Variants in CTTNBP2 observed in about 807,000 individuals in gnomAD.
CTTNBP2 encodes the protein cortactin-binding protein 2.
A neutral mutation model predicts 156.9 loss-of-function variants in CTTNBP2; 108 were observed. The observed-to-expected ratio is 0.69, with a 90% confidence interval of 0.59 to 0.81. The LOEUF (loss-of-function observed/expected upper bound fraction) is 0.81, where lower values mean the gene tolerates loss of function less well. Among genes scored for constraint, CTTNBP2 ranks in the 30% least tolerant of loss-of-function variants. CTTNBP2 has a pLI of 0.00. For synonymous variants in CTTNBP2, 767 were observed against 751.8 expected (o/e 1.02, Z -0.33); for missense variants, 1,924 against 2,035.4 (o/e 0.95, Z 1.05).
chr7:117,714,103 C>T lies in CTTNBP2; in HGVS notation c.4747-2321G>A, dbSNP rs186846973. On this transcript the variant is annotated intron_variant, in intron 22 of 22. Coordinates refer to ENST00000160373, the MANE Select transcript of CTTNBP2 (RefSeq NM_033427.3). Reference sequence around the variant, plus strand: ...ACACATCCTAGTCCATCCTCGTCACCTCCATGTGTACTTGATGGTATGTTA... The same window carrying T: ...ACACATCCTAGTCCATCCTCGTCACTTCCATGTGTACTTGATGGTATGTTA... 2.6e-5 allele frequency: 4 copies of T among 152,328 alleles called. No homozygotes were observed. In the East Asian group the frequency reaches 7.7e-4, roughly 29 times the overall value. The allele number at this position is 152,328 out of a possible 1,614,324, so 9.4% of individuals were successfully genotyped here. A position where few individuals can be genotyped will look rare whatever the true frequency, so the allele number is the denominator to read the frequency against.
chr7:117,784,070 C>A (rs540632933), intron 5 of CTTNBP2, among the ~76,000 whole-genome samples, 181 bp downstream of exon 5: 4 of 152,188 alleles, frequency 2.6e-5, no homozygotes, highest in African/African-American at 9.6e-5. Context: ...ATGAACTGTA[C>A]AATTTGGATT....
chr7:117,785,917 C>T (rs533317396), intron 4 of CTTNBP2, among the ~76,000 whole-genome samples: 9 of 152,168 alleles, frequency 5.9e-5, no homozygotes, highest in Admixed American at 3.3e-4. Context: ...CACCTGATTA[C>T]GATATGTGGT....
At chr7:117,746,688 T>A (rs758084363) in intron 12 of CTTNBP2, among the ~76,000 whole-genome samples, 5 of 152,182 alleles carry the variant, frequency 3.3e-5, no homozygotes, top group Non-Finnish European at 7.4e-5. Context: ...GTATATCAGA[T>A]AATGTCTTTG....
chr7:117,846,965 T>TG (rs903568032), intron 2 of CTTNBP2, among the ~76,000 whole-genome samples: 5 of 152,158 alleles, frequency 3.3e-5, no homozygotes, highest in Admixed American at 6.5e-5. Flanking sequence ...GAGTTACACT[T>TG]GGTTAGTTAC....
intron 7 of CTTNBP2, 28 bp downstream of exon 7, chr7:117,780,412 CA>C (rs775015895): frequency 2.3e-5 from 33 of 1,434,672 alleles, no homozygotes; most frequent in Admixed American, 7.9e-5. Context: ...ATTATATATA[CA>C]GGGGGAAAAA....
chr7:117,756,769 G>A, intron 11 of CTTNBP2, 135 bp from the exon 12 acceptor site: 1 of 680,096 alleles, frequency 1.5e-6, no homozygotes. Flanking sequence ...TGGCCAGGAG[G>A]CACCAATGTG....
chr7:117,721,111 T>C lies in CTTNBP2; in HGVS notation c.4467A>G (p.Ile1489Met). The C allele has an allele frequency of 1.9e-6, 3 of 1,601,138 alleles. No homozygotes were observed. Among genetic ancestry groups the C allele is most frequent in the Non-Finnish European group, 2.6e-6 (3 of 1,168,164 alleles). Residue 1489 changes from isoleucine to methionine, a missense_variant, in exon 20 of 23, where the codon ATA becomes ATG. Ile to Met is a conservative substitution (Grantham distance 10). Transcript: ENST00000160373. ...CATTCCTGTTACAATTCAGCTGTGA[T>C]ATAGTCTTATTTTTCATACCTGTTA... Reference protein sequence around the residue: ...LSTEGMKNKTISQLNCNRNAS... With the variant: ...LSTEGMKNKTMSQLNCNRNAS...
intron 2 of CTTNBP2, among the ~76,000 whole-genome samples, chr7:117,827,456 G>A (rs542378074): frequency 5.3e-5 from 8 of 152,146 alleles, no homozygotes; most frequent in South Asian, 2.1e-4. Context: ...GTGTTTAATC[G>A]TCTAGGACAT....
intron 10 of CTTNBP2, among the ~76,000 whole-genome samples, chr7:117,759,746 A>C (rs1025275161): frequency 8.5e-5 from 13 of 152,218 alleles, no homozygotes; most frequent in Middle Eastern, 3.2e-3. Context: ...GTAAAATGAC[A>C]CCACTGAAAG....
intron 11 of CTTNBP2, among the ~76,000 whole-genome samples, chr7:117,757,527 G>GT (rs1339036693): frequency 1.2e-5 from 1 of 81,446 alleles, no homozygotes; most frequent in African/African-American, 5.8e-5. Context: ...ATTAAGCACA[G>GT]TAAAAAAAAA....
In CTTNBP2 at chr7:117,735,269, C is replaced by G; in HGVS notation, c.3688G>C (p.Gly1230Arg). 2 of 1,612,390 alleles carry G rather than the reference C, an allele frequency of 1.2e-6. No homozygotes were observed. Among genetic ancestry groups the G allele is most frequent in the South Asian group, 1.1e-5 (1 of 90,328 alleles). ...AGCATGGTCCCTTTATTAGCGTTAC[C>G]TTTTTGGAAAGTGCAGGGGCTTTCA... is the stretch of plus-strand genomic sequence containing the variant. ...STESPCTFQK[G>R]NGLSECYYFH... is the part of the protein sequence containing the mutation. The change falls in exon 15 of 23, where the codon GGA becomes CGA. Residue 1230 changes from glycine (G) to arginine (R), a missense_variant and splice_region_variant. By Grantham distance (125) the Gly-to-Arg change is moderately radical (BLOSUM62 -2). Transcript: ENST00000160373.
chr7:117,782,898 G>A lies in CTTNBP2; in HGVS notation c.2336C>T (p.Thr779Ile), dbSNP rs1474837816. 1.9e-6 allele frequency: 3 copies of A among 1,613,942 alleles called. No homozygotes were observed. Among genetic ancestry groups the A allele is most frequent in the Non-Finnish European group, 1.7e-6 (2 of 1,179,918 alleles). ...CTGAGCAGCTGCAGCACACAAGGGT[G>A]TGAAGCCATTTTTATCAGCAGCATT... ...QVNAADKNGF[T>I]PLCAAAAQGH... Residue 779 changes from threonine to isoleucine, a missense_variant, in exon 6 of 23, where the codon ACA becomes ATA. Transcript: ENST00000160373.
chr7:117,813,210 C>G (rs1434219773), intron 2 of CTTNBP2, among the ~76,000 whole-genome samples: 1 of 152,110 alleles, frequency 6.6e-6, no homozygotes, highest in Non-Finnish European at 1.5e-5. Flanking sequence ...AGAGGAACAC[C>G]CCCTTTTGCA....
At chr7:117,818,889 CCA>C in intron 2 of CTTNBP2, among the ~76,000 whole-genome samples, 1 of 152,238 alleles carries the variant, frequency 6.6e-6, no homozygotes, top group South Asian at 2.1e-4. Flanking sequence ...CAAAGCTTTT[CCA>C]CAGATACAAC....
chr7:117,787,461 C>A (rs943921754), intron 4 of CTTNBP2, among the ~76,000 whole-genome samples: 11 of 151,954 alleles, frequency 7.2e-5, no homozygotes, highest in African/African-American at 2.7e-4. Flanking sequence ...GCCTTTAAGC[C>A]AATCATACAT....
intron 16 of CTTNBP2, among the ~76,000 whole-genome samples, chr7:117,729,524 A>G (rs1433289242): frequency 6.6e-6 from 1 of 152,190 alleles, no homozygotes; most frequent in African/African-American, 2.4e-5. Context: ...TGCTAAGAAG[A>G]AAAAAATCCA....
At chr7:117,817,333 CAAAAAAAAAAA>C (rs1165563266) in intron 2 of CTTNBP2, among the ~76,000 whole-genome samples, 31 of 27,200 alleles carry the variant, frequency 1.1e-3, no homozygotes, top group African/African-American at 2.2e-3. Flanking sequence ...GACTCCATCT[CAAAAAAAAAAA>C]AAAAAAAAAA....
At chr7:117,834,057 CTTTTTT>C (rs66655327) in intron 2 of CTTNBP2, among the ~76,000 whole-genome samples, 1 of 146,696 alleles carries the variant, frequency 6.8e-6, no homozygotes, top group African/African-American at 2.5e-5. Flanking sequence ...TTTCTTTCTT[CTTTTTT>C]TTTTTTGAAA....
intron 2 of CTTNBP2, among the ~76,000 whole-genome samples, chr7:117,842,584 T>C (rs1237052453): frequency 6.6e-6 from 1 of 151,900 alleles, no homozygotes; most frequent in Non-Finnish European, 1.5e-5. Flanking sequence ...CATAGAAACA[T>C]ATAGTCAACC....
Sources: allele counts gnomAD v4.1 joint callset (sites outside exome capture counted in the v4.1 genomes callset), GRCh38; gene constraint gnomAD v4.1.1; transcripts MANE v1.5; gene names NCBI Gene and HGNC (gene_info 2026-07-23, HGNC 2026-07-21).